ACO2: variants seen among roughly 807,000 people sequenced by gnomAD.
The protein encoded by ACO2 is aconitase 2.
A neutral mutation model predicts 84.5 loss-of-function variants in ACO2; 31 were observed. That is an observed-to-expected ratio of 0.37 (90% confidence interval 0.28 to 0.50). The LOEUF (loss-of-function observed/expected upper bound fraction) is 0.50. ACO2 is among the 20% of genes least tolerant of loss of function. ACO2 has a pLI of 0.97. For missense variants in ACO2, 685 were observed against 1,029.3 expected (o/e 0.67, Z 4.58); for synonymous variants, 414 against 412.7 (o/e 1.00, Z -0.04).
At position 41,515,267 on chromosome 22, in the gene ACO2, C is replaced by T; in HGVS notation, c.526-110C>T. On this transcript the variant is annotated intron_variant, in intron 4 of 17. Transcript: ENST00000216254. This position sits in a 1 kb window ranked among gnomAD's most constrained non-coding sequence, Gnocchi z 5.8. ...TAAATGGGGCTGCTCCTACCAGTTCCATCCTGGGAGAGTGGCTGGACGTGG... is the reference window on the plus strand; with the variant it reads ...TAAATGGGGCTGCTCCTACCAGTTCTATCCTGGGAGAGTGGCTGGACGTGG... 7.5e-7 allele frequency: 1 copy of T among 1,330,462 alleles called. No individual in the cohort carries two copies. The highest frequency in any genetic ancestry group is 1.4e-5 in the African/African-American group (1 of 69,378). 82.4% of individuals were successfully genotyped at this position (1,330,462 alleles called of 1,614,324 possible). A position where few individuals can be genotyped will look rare whatever the true frequency, so the allele number is the denominator to read the frequency against.
intron 6 of ACO2, among the ~76,000 whole-genome samples, chr22:41,516,714 C>A (rs552736750): frequency 4.5e-4 from 68 of 152,236 alleles, no homozygotes; most frequent in African/African-American, 1.5e-3. Flanking sequence ...TGTATCATTT[C>A]AGTTTTTGTT....
At position 41,528,007 on chromosome 22, in the gene ACO2, CT is replaced by C; in HGVS notation, c.2195del (p.Phe732SerfsTer7). 1 of 1,614,190 alleles carries C rather than the reference CT, an allele frequency of 6.2e-7. No homozygotes were observed. Among genetic ancestry groups the C allele is most frequent in the Non-Finnish European group, 8.5e-7 (1 of 1,180,024 alleles). On this transcript the variant is annotated frameshift_variant, in exon 17 of 18. Transcript: ENST00000216254. LOFTEE classifies it high-confidence loss of function. ...DKLTIQGLKD[F>X]TPGKPLKCII... Reference sequence around the variant, plus strand: ...AGCTGACCATTCAGGGCCTGAAGGACTTCACCCCTGGCAAGGTTAGGGGCCC... The same window carrying C: ...AGCTGACCATTCAGGGCCTGAAGGACTCACCCCTGGCAAGGTTAGGGGCCC...
chr22:41,523,441 G>C (rs1786708293), intron 11 of ACO2, among the ~76,000 whole-genome samples, 163 bp downstream of exon 11: 1 of 152,256 alleles, frequency 6.6e-6, no homozygotes, highest in African/African-American at 2.4e-5. Flanking sequence ...TGCCTGGGAA[G>C]AGGGGCTGGG....
At chr22:41,469,402 AAG>A (rs1326136728) in intron 1 of ACO2, 3 of 487,246 alleles carry the variant, frequency 6.2e-6, no homozygotes, top group Non-Finnish European at 1.1e-5. Flanking sequence ...GCCTCGCAAG[AAG>A]CGTGGGCCCA....
chr22:41,497,625 G>A (rs1052541746), intron 1 of ACO2, among the ~76,000 whole-genome samples: 1 of 151,936 alleles, frequency 6.6e-6, no homozygotes, highest in Non-Finnish European at 1.5e-5. Flanking sequence ...GCTCACGCCT[G>A]TAATCCTAGC....
rs2066404011 is a variant in ACO2 at position 41,507,726 on chromosome 22, A to AGGGAGGAGCGGGAG, written c.174-64_174-63insGGAGGAGCGGGAGG. ...GAGGTTGCCACATGGACTGAGAGGGAGAGGCAGGGCGGGAGGAGGCCGTGC... is the reference window on the plus strand; with the variant it reads ...GAGGTTGCCACATGGACTGAGAGGGAGGGAGGAGCGGGAGGAGGCAGGGCGGGAGGAGGCCGTGC... On this transcript the variant is annotated intron_variant, in intron 2 of 17. Transcript: ENST00000216254. 5 of 1,561,236 alleles carry AGGGAGGAGCGGGAG rather than the reference A, an allele frequency of 3.2e-6. No homozygotes were observed. The East Asian group carries it at 1.1e-4, about 35-fold the overall frequency.
chr22:41,526,149 C>T (rs1404058282), intron 14 of ACO2, 113 bp from the exon 15 acceptor site: 5 of 905,300 alleles, frequency 5.5e-6, no homozygotes, highest in African/African-American at 1.7e-5. Flanking sequence ...CTGCCTCTCA[C>T]CCCTCTGTCA....
chr22:41,509,798 C>T (rs1395191231), intron 3 of ACO2, among the ~76,000 whole-genome samples: 1 of 141,028 alleles, frequency 7.1e-6, no homozygotes, highest in Non-Finnish European at 1.5e-5. Flanking sequence ...ACAGTTTAAG[C>T]GGAGAAAGAA....
intron 1 of ACO2, among the ~76,000 whole-genome samples, chr22:41,475,519 G>A (rs1251763689): frequency 6.6e-6 from 1 of 152,082 alleles, no homozygotes; most frequent in East Asian, 1.9e-4. Context: ...CCAGCACCTG[G>A]TTTGGAAGGC....
intron 14 of ACO2, chr22:41,525,853 T>G: frequency 5.1e-6 from 1 of 196,670 alleles, no homozygotes. Context: ...TTATGCTGCT[T>G]ATTAAGGGGT....
intron 1 of ACO2, among the ~76,000 whole-genome samples, chr22:41,475,388 G>T (rs934317990): frequency 6.6e-6 from 1 of 151,504 alleles, no homozygotes; most frequent in Non-Finnish European, 1.5e-5. Context: ...ACCCAAGCTG[G>T]TCTTGAACTC....
intron 9 of ACO2, chr22:41,521,188 C>A (rs1220372286): frequency 1.3e-5 from 2 of 152,190 alleles, no homozygotes; most frequent in Non-Finnish European, 2.9e-5. Flanking sequence ...GCTCTTAGAG[C>A]TCTTGGAGAG....
At chr22:41,497,395 T>C (rs78595535) in intron 1 of ACO2, among the ~76,000 whole-genome samples, 1,774 of 152,198 alleles carry the variant, frequency 0.012, 38 homozygotes, top group African/African-American at 0.041. Flanking sequence ...TTGGATTCAT[T>C]TATTCTTCTC....
Position 41,499,791 on chromosome 22 carries a change from G to A in ACO2, c.102G>A (p.Met34Ile), listed in dbSNP as rs1447569490. 6.2e-7 allele frequency: 1 copy of A among 1,613,990 alleles called. No homozygotes were observed. The highest frequency in any genetic ancestry group is 8.5e-7 in the Non-Finnish European group (1 of 1,180,036). The change falls in exon 2 of 18, where the codon ATG becomes ATA. Residue 34 changes from methionine to isoleucine, a missense_variant. Physicochemically the swap from Met to Ile is conservative, Grantham distance 10. This residue lies in a region of ACO2 where 98 missense variants were observed against 107.6 expected (regional missense o/e 0.91). Coordinates refer to ENST00000216254, the MANE Select transcript of ACO2 (RefSeq NM_001098.3). ...SVLCQRAKVA[M>I]SHFEPNEYIH... ...TGTGCCAACGGGCCAAGGTGGCGAT[G>A]AGCCACTTTGAGCCCAACGAGTACA... is the stretch of plus-strand genomic sequence containing the variant.
At chr22:41,477,814 C>G (rs1221959238) in intron 1 of ACO2, among the ~76,000 whole-genome samples, 1 of 152,050 alleles carries the variant, frequency 6.6e-6, no homozygotes, top group Non-Finnish European at 1.5e-5. Flanking sequence ...CGCCTGTAAT[C>G]CCAGCACTTT....
chr22:41,481,281 T>G (rs919990360), intron 1 of ACO2, among the ~76,000 whole-genome samples: 1 of 152,204 alleles, frequency 6.6e-6, no homozygotes, highest in African/African-American at 2.4e-5. Context: ...TTGGAGTGTT[T>G]CCATGATGGC....
chr22:41,489,984 TTTTC>T (rs933043230), intron 1 of ACO2, among the ~76,000 whole-genome samples: 1 of 152,164 alleles, frequency 6.6e-6, no homozygotes, highest in African/African-American at 2.4e-5. Flanking sequence ...CTGGTTTATT[TTTTC>T]TTTTTCTGAT....
At chr22:41,488,288 G>A (rs2066246503) in intron 1 of ACO2, among the ~76,000 whole-genome samples, 1 of 152,154 alleles carries the variant, frequency 6.6e-6, no homozygotes, top group Non-Finnish European at 1.5e-5. Flanking sequence ...AGTGAGCCCT[G>A]GCTTTACCCT....
At chr22:41,508,097 G>A (rs778480089) in intron 3 of ACO2, 48 bp downstream of exon 3, 36 of 1,575,202 alleles carry the variant, frequency 2.3e-5, no homozygotes, top group Admixed American at 6.9e-5. Context: ...AAGACTGGGC[G>A]AGAGGCCTCA....
Sources: allele counts gnomAD v4.1 joint callset (sites outside exome capture counted in the v4.1 genomes callset), GRCh38; gene constraint gnomAD v4.1.1; regional missense constraint gnomAD v4.1.1; non-coding constraint Gnocchi (gnomAD v3.1); transcripts MANE v1.5; gene names NCBI Gene and HGNC (gene_info 2026-07-23, HGNC 2026-07-21).